NFIB: variants seen among roughly 807,000 people sequenced by gnomAD.
The protein encoded by NFIB is nuclear factor I B, also known as nuclear factor 1 B-type.
Under a neutral mutation model 61.5 loss-of-function variants are expected in NFIB, and 11 were observed. The ratio of observed to expected loss-of-function variants is 0.18; its 90% CI spans 0.11 to 0.30. The LOEUF is 0.30. Among genes scored for constraint, NFIB ranks in the 10% least tolerant of loss-of-function variants. The probability of loss-of-function intolerance (pLI) is 1.00; values close to 1 mark genes in which losing one functional copy is unlikely to be tolerated. For missense variants in NFIB, 471 were observed against 608.9 expected, an observed-to-expected ratio of 0.77 and a Z score of 2.38; for synonymous variants, 260 against 216.5, an observed-to-expected ratio of 1.20 and a Z score of -1.76.
chr9:14,086,318 T>C lies in NFIB; in HGVS notation c.*1991A>G, dbSNP rs1248262766. On this transcript the variant is annotated 3_prime_UTR_variant, in exon 11 of 11. Transcript: ENST00000380953. The stretch of plus-strand genomic sequence containing the variant: ...AGTACACAAAAGGACCTCATCACAC[T>C]GCAAAAATAGCAGTACCCACTTTGG... 3 of 214,566 alleles carry C rather than the reference T, an allele frequency of 1.4e-5. No homozygotes were observed. The highest frequency in any genetic ancestry group is 2.8e-5 in the Non-Finnish European group (3 of 106,264). The allele number at this position is 214,566 out of a possible 1,614,324, so 13.3% of individuals were successfully genotyped here.
At chr9:14,326,497 A>G (rs1588313913) in intron 1 of NFIB, among the ~76,000 whole-genome samples, 1 of 152,296 alleles carries the variant, frequency 6.6e-6, no homozygotes, top group South Asian at 2.1e-4. Flanking sequence ...CTGTGCACAC[A>G]TAGATCTGAT....
At chr9:14,471,889 C>G in the NFIB span, among the ~76,000 whole-genome samples, 2 of 152,164 alleles carry the variant, frequency 1.3e-5, no homozygotes, top group Non-Finnish European at 2.9e-5. Flanking sequence ...AGTGATTGAT[C>G]CACCTGTGTT....
intron 2 of NFIB, among the ~76,000 whole-genome samples, chr9:14,223,221 TAGATGATAG>T (rs1241421040): frequency 6.6e-6 from 1 of 152,180 alleles, no homozygotes; most frequent in Non-Finnish European, 1.5e-5. Context: ...TTGCTATGCT[TAGATGATAG>T]AGCAGGGACT....
intron 2 of NFIB, among the ~76,000 whole-genome samples, chr9:14,286,564 A>T (rs962657247): frequency 6.6e-6 from 1 of 152,212 alleles, no homozygotes; most frequent in Non-Finnish European, 1.5e-5. Context: ...TTTCTTTCAG[A>T]TGATGTTTGT....
intron 1 of NFIB, among the ~76,000 whole-genome samples, chr9:14,343,396 C>T (rs1358642983): frequency 1.3e-5 from 2 of 152,130 alleles, no homozygotes; most frequent in Non-Finnish European, 2.9e-5. Flanking sequence ...ATTGGATACT[C>T]AGCCTCACCC....
At chr9:14,265,656 A>T (rs1196161155) in intron 2 of NFIB, among the ~76,000 whole-genome samples, 1 of 152,180 alleles carries the variant, frequency 6.6e-6, no homozygotes, top group Non-Finnish European at 1.5e-5. Context: ...CAATATGTTG[A>T]CCACCATATC....
chr9:14,210,158 A>G (rs932258001), intron 2 of NFIB, among the ~76,000 whole-genome samples: 3 of 152,180 alleles, frequency 2.0e-5, no homozygotes, highest in African/African-American at 7.2e-5. Flanking sequence ...TCATGACACT[A>G]CAAACATTTT....
chr9:14,167,360 T>G (rs775766167), intron 3 of NFIB, among the ~76,000 whole-genome samples: 1 of 152,022 alleles, frequency 6.6e-6, no homozygotes, highest in Admixed American at 6.6e-5. Flanking sequence ...CTGGACAACA[T>G]AGCGAAACCC....
chr9:14,486,949 A>T, the NFIB span, among the ~76,000 whole-genome samples: 2 of 152,226 alleles, frequency 1.3e-5, no homozygotes, highest in African/African-American at 4.8e-5. Flanking sequence ...AGATATCCCA[A>T]TCTGGATTGA....
Position 14,128,455 on chromosome 9 carries a change from T to C in NFIB, c.926-2689A>G, listed in dbSNP as rs184111536. On this transcript the variant is annotated intron_variant, in intron 6 of 10. Transcript: ENST00000380953. ...GCTCACGCCTGTAATCCCAACACTT[T>C]GGGAGGCTAAGGCGGGTGGATCGCC... Among the ~76,000 whole-genome samples the C allele has an allele frequency of 2.0e-3, 306 of 152,258 alleles. 3 individuals are homozygous for C. Among genetic ancestry groups the C allele is most frequent in the Non-Finnish European group, 2.4e-3 (161 of 68,020 alleles).
chr9:14,356,655 T>A (rs569119599), intron 1 of NFIB, among the ~76,000 whole-genome samples: 2 of 152,074 alleles, frequency 1.3e-5, no homozygotes, highest in African/African-American at 4.8e-5. Context: ...TCCACCAGTT[T>A]CAGGATTATT....
At chr9:14,219,381 T>TAAAAAAAAAAAAAAAA (rs751279935) in intron 2 of NFIB, among the ~76,000 whole-genome samples, 1 of 73,504 alleles carries the variant, frequency 1.4e-5, no homozygotes, top group Non-Finnish European at 2.4e-5. Context: ...AGCACTAGGG[T>TAAAAAAAAAAAAAAAA]AAAAAAAAAA....
the NFIB span, among the ~76,000 whole-genome samples, chr9:14,419,668 C>T: frequency 6.6e-6 from 1 of 152,172 alleles, no homozygotes; most frequent in Admixed American, 6.5e-5. Flanking sequence ...GTATGGTCCT[C>T]CCACCCCTTC....
At chr9:14,239,334 A>T (rs1448643738) in intron 2 of NFIB, among the ~76,000 whole-genome samples, 1 of 152,208 alleles carries the variant, frequency 6.6e-6, no homozygotes, top group Non-Finnish European at 1.5e-5. Context: ...TAGAGAGGAA[A>T]AGAGGAAAAT....
chr9:14,414,822 G>A, the NFIB span, among the ~76,000 whole-genome samples: 1 of 152,142 alleles, frequency 6.6e-6, no homozygotes, highest in African/African-American at 2.4e-5. Context: ...GTATTTTATT[G>A]AGCCTGACAC....
chr9:14,351,170 C>A (rs944610611), intron 1 of NFIB, among the ~76,000 whole-genome samples: 3 of 152,194 alleles, frequency 2.0e-5, no homozygotes, highest in Non-Finnish European at 2.9e-5. Flanking sequence ...ATCTGCACCT[C>A]CTATGGTCCA....
chr9:14,354,050 T>C (rs2061147413), intron 1 of NFIB, among the ~76,000 whole-genome samples: 2 of 152,088 alleles, frequency 1.3e-5, no homozygotes, highest in South Asian at 4.1e-4. Context: ...TACAGTAAGA[T>C]GTCTGTAAGG....
intron 2 of NFIB, among the ~76,000 whole-genome samples, chr9:14,244,678 A>T (rs1411313436): frequency 6.6e-6 from 1 of 152,214 alleles, no homozygotes; most frequent in Non-Finnish European, 1.5e-5. Flanking sequence ...ACCTCTCTGA[A>T]TTTGAATTTG....
intron 3 of NFIB, among the ~76,000 whole-genome samples, chr9:14,159,314 T>C (rs1032651433): frequency 1.3e-5 from 2 of 152,094 alleles, no homozygotes; most frequent in African/African-American, 4.8e-5. Context: ...AAAGAGGTAG[T>C]TTACCGAAAC....
Sources: gnomAD v4.1 joint callset for allele counts (sites outside exome capture counted in the v4.1 genomes callset) on GRCh38, gnomAD v4.1.1 for gene constraint, MANE v1.5 for transcripts, NCBI Gene and HGNC (gene_info 2026-07-23, HGNC 2026-07-21) for gene names.